The following RGS7 variants were observed in gnomAD, a reference collection of about 807,000 sequenced individuals.
RGS7 encodes the protein regulator of G protein signaling 7.
A neutral mutation model predicts 81.1 loss-of-function variants in RGS7; 27 were observed. That is an observed-to-expected ratio of 0.33 (90% confidence interval 0.25 to 0.46). RGS7 has a LOEUF of 0.46. RGS7 is among the 20% of genes least tolerant of loss of function. The pLI is 1.00. For synonymous variants in RGS7, 208 were observed against 207.7 expected, an observed-to-expected ratio of 1.00 and a Z score of -0.01; for missense variants, 396 against 607.4, an observed-to-expected ratio of 0.65 and a Z score of 3.66.
intron 2 of RGS7, among the ~76,000 whole-genome samples, chr1:241,229,745 G>A (rs376344155): frequency 5.2e-4 from 79 of 152,332 alleles, no homozygotes; most frequent in African/African-American, 1.8e-3. Flanking sequence ...CGGCCACACC[G>A]TCAGGGGAGA....
intron 3 of RGS7, among the ~76,000 whole-genome samples, chr1:241,022,683 C>A (rs1452093519): frequency 6.6e-6 from 1 of 152,174 alleles, no homozygotes; most frequent in Non-Finnish European, 1.5e-5. Context: ...TCCTTAAAAA[C>A]CCTGATCCCT....
chr1:241,311,916 C>T (rs939918018), intron 2 of RGS7, among the ~76,000 whole-genome samples: 3 of 152,166 alleles, frequency 2.0e-5, no homozygotes, highest in Non-Finnish European at 4.4e-5. Context: ...GGAAGAAACA[C>T]CTCAGCGCAG....
rs141663103 is a variant in RGS7 at position 240,840,041 on chromosome 1, C to T, written c.610-12869G>A. On this transcript the variant is annotated intron_variant, in intron 9 of 18. Coordinates refer to ENST00000440928, the MANE Select transcript of RGS7 (RefSeq NM_001364886.1). ...CACCCTCACTGTTACCACCCTGCTC[C>T]AAGCTGCCATGATCTCCCATCTGGA... Among the ~76,000 whole-genome samples the T allele has an allele frequency of 5.5e-3, 836 of 152,244 alleles. 9 individuals are homozygous for T. The highest frequency in any genetic ancestry group is 0.019 in the African/African-American group (796 of 41,540).
chr1:241,019,998 C>G (rs1172776683), intron 3 of RGS7, among the ~76,000 whole-genome samples: 1 of 152,182 alleles, frequency 6.6e-6, no homozygotes, highest in African/African-American at 2.4e-5. Flanking sequence ...AGAGTGATGA[C>G]TTCTAAGTTC....
chr1:241,011,976 T>C (rs1045645179), intron 3 of RGS7, among the ~76,000 whole-genome samples: 1 of 152,142 alleles, frequency 6.6e-6, no homozygotes, highest in Non-Finnish European at 1.5e-5. Context: ...TGTTCTTTCT[T>C]AATAAACTTG....
At chr1:241,075,648 G>A (rs1305069558) in intron 3 of RGS7, among the ~76,000 whole-genome samples, 1 of 152,176 alleles carries the variant, frequency 6.6e-6, no homozygotes, top group Non-Finnish European at 1.5e-5. Flanking sequence ...GTTTACAAAT[G>A]TGTGTTGGGC....
At chr1:240,782,363 T>G (rs369649706) in intron 18 of RGS7, among the ~76,000 whole-genome samples, 1 of 152,204 alleles carries the variant, frequency 6.6e-6, no homozygotes, top group African/African-American at 2.4e-5. Flanking sequence ...AACCAGCTCC[T>G]GCCAATGATC....
chr1:241,297,623 C>T (rs1416487117), intron 2 of RGS7, among the ~76,000 whole-genome samples: 4 of 152,052 alleles, frequency 2.6e-5, no homozygotes, highest in Admixed American at 6.6e-5. Context: ...GGCCAATGCT[C>T]GGAAGAATGA....
intron 2 of RGS7, among the ~76,000 whole-genome samples, chr1:241,265,726 T>C (rs554311741): frequency 2.6e-5 from 4 of 151,052 alleles, no homozygotes; most frequent in South Asian, 4.2e-4. Flanking sequence ...GATTGAATCA[T>C]GGGATAAAAT....
chr1:240,783,767 G>GAGAT (rs1282326305), intron 18 of RGS7, among the ~76,000 whole-genome samples: 1 of 152,094 alleles, frequency 6.6e-6, no homozygotes, highest in East Asian at 1.9e-4. Flanking sequence ...GGGCATTAGG[G>GAGAT]AGATGGAAGC....
chr1:240,976,308 G>A (rs934171981), intron 4 of RGS7, among the ~76,000 whole-genome samples: 1 of 151,952 alleles, frequency 6.6e-6, no homozygotes, highest in African/African-American at 2.4e-5. Flanking sequence ...ATGGGAACAT[G>A]TAACAACATG....
intron 2 of RGS7, 57 bp downstream of exon 2, chr1:241,355,640 GAA>G (rs370728853): frequency 3.4e-6 from 5 of 1,478,344 alleles, no homozygotes; most frequent in Non-Finnish European, 4.7e-6. Context: ...TCTAGAGGGG[GAA>G]AAAAATCGAG....
intron 6 of RGS7, among the ~76,000 whole-genome samples, chr1:240,878,489 C>CT (rs57896753): frequency 0.53 from 62,142 of 117,544 alleles, 14,551 homozygotes; most frequent in Middle Eastern, 0.62. Context: ...TTTTTTCTTT[C>CT]TTTTTTTTTT....
chr1:241,244,099 A>G (rs2076401472), intron 2 of RGS7, among the ~76,000 whole-genome samples: 1 of 152,182 alleles, frequency 6.6e-6, no homozygotes, highest in Non-Finnish European at 1.5e-5. Flanking sequence ...CCAGGTACAT[A>G]TTATTATTTT....
intron 2 of RGS7, among the ~76,000 whole-genome samples, chr1:241,104,165 T>A (rs1260320466): frequency 1.3e-5 from 2 of 152,214 alleles, no homozygotes; most frequent in Non-Finnish European, 2.9e-5. Context: ...ATGCTTACTA[T>A]GATGCCACCA....
At chr1:241,032,620 T>A (rs967643056) in intron 3 of RGS7, among the ~76,000 whole-genome samples, 1 of 152,304 alleles carries the variant, frequency 6.6e-6, no homozygotes, top group African/African-American at 2.4e-5. Flanking sequence ...CATGGGATAG[T>A]TTTTCATTTG....
chr1:240,807,591 G>C (rs990397563), intron 14 of RGS7, among the ~76,000 whole-genome samples: 1 of 152,150 alleles, frequency 6.6e-6, no homozygotes, highest in Non-Finnish European at 1.5e-5. Context: ...TTCATTTCCA[G>C]ATTTTGTTTT....
At chr1:240,928,576 T>A (rs1355798852) in intron 6 of RGS7, among the ~76,000 whole-genome samples, 1 of 151,646 alleles carries the variant, frequency 6.6e-6, no homozygotes, top group Non-Finnish European at 1.5e-5. Context: ...AAAGAAACAC[T>A]GAGAATGGGA....
chr1:241,071,167 C>T (rs1475993837), intron 3 of RGS7, among the ~76,000 whole-genome samples: 2 of 152,132 alleles, frequency 1.3e-5, no homozygotes, highest in African/African-American at 4.8e-5. Context: ...CCTTGCTGGG[C>T]AGGTGGTTTT....
Sources: allele counts gnomAD v4.1 joint callset (sites outside exome capture counted in the v4.1 genomes callset), GRCh38; gene constraint gnomAD v4.1.1; transcripts MANE v1.5; gene names NCBI Gene and HGNC (gene_info 2026-07-23, HGNC 2026-07-21).